The following IFFO2 variants were observed in gnomAD, a reference collection of about 807,000 sequenced individuals.
IFFO2 encodes intermediate filament family orphan 2.
Under a neutral mutation model 53.5 loss-of-function variants are expected in IFFO2, and 19 were observed. That is an observed-to-expected ratio of 0.36 (90% confidence interval 0.25 to 0.52). The LOEUF is 0.52. IFFO2 is among the 20% of genes least tolerant of loss of function. The pLI, the probability that IFFO2 is intolerant of heterozygous loss-of-function variation, is 0.94. For synonymous variants in IFFO2, 303 were observed against 313.6 expected, an observed-to-expected ratio of 0.97 and a Z score of 0.36; for missense variants, 570 against 727.4, an observed-to-expected ratio of 0.78 and a Z score of 2.49.
chr1:18,911,420 T>C lies in IFFO2; in HGVS notation c.1281A>G (p.Arg427=). The C allele has an allele frequency of 6.6e-7, 1 of 1,523,720 alleles. No homozygotes were observed. 94.4% of individuals were successfully genotyped at this position (1,523,720 alleles called of 1,614,324 possible). The change falls in exon 7 of 9, where the codon AGA becomes AGG. Residue 427 remains arginine, a synonymous_variant. Transcript: ENST00000455833. Reference sequence around the variant, plus strand: ...CTATCGTTTCCTGGTACTCCTTGTCTCTCGTCTTGAAGAAGGATTCGGTCT... The same window carrying C: ...CTATCGTTTCCTGGTACTCCTTGTCCCTCGTCTTGAAGAAGGATTCGGTCT... ...IHETESFFKT[R]DKEYQETIGQ...
At chr1:18,933,116 T>C (rs1936399928) in intron 1 of IFFO2, among the ~76,000 whole-genome samples, 1 of 152,222 alleles carries the variant, frequency 6.6e-6, no homozygotes, top group Admixed American at 6.5e-5. Context: ...GAGTATTCTC[T>C]TCCTGCTGAG....
intron 8 of IFFO2, among the ~76,000 whole-genome samples, 172 bp from the exon 9 acceptor site, chr1:18,908,838 C>A (rs1935990037): frequency 6.6e-6 from 1 of 152,152 alleles, no homozygotes; most frequent in South Asian, 2.1e-4. Context: ...CACGAGGTAA[C>A]CCCCTGCACC....
chr1:18,933,714 C>T (rs182202452), intron 1 of IFFO2, among the ~76,000 whole-genome samples: 86 of 152,192 alleles, frequency 5.7e-4, no homozygotes, highest in South Asian at 1.2e-3. Flanking sequence ...GCCAAGATCG[C>T]GCCACTGCAC....
intron 2 of IFFO2, among the ~76,000 whole-genome samples, chr1:18,920,152 G>A (rs1936197485): frequency 6.6e-6 from 1 of 152,146 alleles, no homozygotes; most frequent in Non-Finnish European, 1.5e-5. Context: ...TGAAGAGCGT[G>A]GGTGTGTGTC....
chr1:18,956,543 C>A lies in IFFO2; in HGVS notation c.-211G>T, dbSNP rs1569874844. 6.4e-6 allele frequency: 1 copy of A among 156,916 alleles called. No homozygotes were observed. The highest frequency in any genetic ancestry group is 6.5e-5 in the Admixed American group (1 of 15,464). 9.7% of individuals were successfully genotyped at this position (156,916 alleles called of 1,614,324 possible). A position where few individuals can be genotyped will look rare whatever the true frequency, so the allele number is the denominator to read the frequency against. Reference sequence around the variant, plus strand: ...CGCCGAGGCGAGAGAGGGCACTCGGCCGCTCCTCGGGACGCGGTGGAGGCC... The same window carrying A: ...CGCCGAGGCGAGAGAGGGCACTCGGACGCTCCTCGGGACGCGGTGGAGGCC... On this transcript the variant is annotated 5_prime_UTR_variant, in exon 1 of 9. Transcript: ENST00000455833. This position sits in a 1 kb window ranked among gnomAD's most constrained non-coding sequence, Gnocchi z 6.4.
intron 1 of IFFO2, among the ~76,000 whole-genome samples, chr1:18,934,264 G>T (rs554576942): frequency 2.6e-5 from 4 of 151,674 alleles, no homozygotes; most frequent in South Asian, 2.1e-4. Flanking sequence ...GTAGAGACGG[G>T]GTTTCACCAT....
At chr1:18,937,317 C>G (rs375167373) in intron 1 of IFFO2, among the ~76,000 whole-genome samples, 93 of 152,332 alleles carry the variant, frequency 6.1e-4, no homozygotes, top group African/African-American at 2.2e-3. Context: ...TCCAGCGCAG[C>G]TGAGGCAGGT....
intron 1 of IFFO2, among the ~76,000 whole-genome samples, chr1:18,944,224 G>C (rs752760692): frequency 6.6e-5 from 10 of 152,328 alleles, no homozygotes; most frequent in Admixed American, 1.3e-4. Context: ...AAAGACAGAA[G>C]GCATAGCTAA....
chr1:18,941,629 C>A (rs991844616), intron 1 of IFFO2, among the ~76,000 whole-genome samples: 1 of 152,198 alleles, frequency 6.6e-6, no homozygotes, highest in African/African-American at 2.4e-5. Context: ...GGCTTGAACC[C>A]CTGTCTTCCA....
chr1:18,952,099 T>A (rs1557651652), intron 1 of IFFO2, among the ~76,000 whole-genome samples: 1 of 152,200 alleles, frequency 6.6e-6, no homozygotes, highest in Non-Finnish European at 1.5e-5. Flanking sequence ...AACTCTCCAC[T>A]GTTGAGTTCA....
chr1:18,922,459 G>A (rs900561699), intron 1 of IFFO2, among the ~76,000 whole-genome samples: 22 of 152,142 alleles, frequency 1.4e-4, no homozygotes, highest in African/African-American at 4.1e-4. Flanking sequence ...AGCCGGTTAC[G>A]TCACCGGCTT....
At position 18,919,280 on chromosome 1, in the gene IFFO2, C is replaced by T. The variant is rs923947026; in HGVS notation, c.822+398G>A. 6.6e-6 allele frequency among the ~76,000 whole-genome samples: 1 copy of T among 152,166 alleles called. No individual in the cohort carries two copies. The highest frequency in any genetic ancestry group is 1.9e-4 in the East Asian group (1 of 5,188). On this transcript the variant is annotated intron_variant, in intron 3 of 8. Coordinates refer to ENST00000455833, the MANE Select transcript of IFFO2 (RefSeq NM_001136265.2). The surrounding 1 kb of genome is among the most constrained non-coding windows in gnomAD (Gnocchi z 4.9). Reference sequence around the variant, plus strand: ...ACCCTGCCAAAGGCCGCTGGGCCTGCGAGTCTCTCAGGCCCGCACAGACCA... The same window carrying T: ...ACCCTGCCAAAGGCCGCTGGGCCTGTGAGTCTCTCAGGCCCGCACAGACCA...
rs1262975105 is a variant in IFFO2, at chr1:18,916,895, A to T, written c.1103+8T>A. 6.4e-7 allele frequency: 1 copy of T among 1,551,686 alleles called. No homozygotes were observed. ...AACGGAGAGTGTGCGGGCCACGGGG[A>T]TACTCACAGCTGGTTAAACATGCGC... On this transcript the variant is annotated splice_region_variant and intron_variant, in intron 5 of 8. Transcript: ENST00000455833. This position sits in a 1 kb window ranked among gnomAD's most constrained non-coding sequence, Gnocchi z 4.3.
At chr1:18,955,461 GGCCCCCACGGTAGCCAGCGCCC>G (rs1287109667) in intron 1 of IFFO2, among the ~76,000 whole-genome samples, 185 bp downstream of exon 1, 1 of 152,186 alleles carries the variant, frequency 6.6e-6, no homozygotes, top group African/African-American at 2.4e-5. Flanking sequence ...GCATCGAGGT[GGCCCCCACGGTAGCCAGCGCCC>G]GCCCCCATCC....
At chr1:18,952,703 A>C (rs1936673359) in intron 1 of IFFO2, among the ~76,000 whole-genome samples, 1 of 152,260 alleles carries the variant, frequency 6.6e-6, no homozygotes, top group Admixed American at 6.5e-5. Flanking sequence ...CTGGGCTTGG[A>C]ATTGGAATTT....
rs1003744463 is a variant in IFFO2 at position 18,951,256 on chromosome 1, C to T, written c.665+4412G>A. On this transcript the variant is annotated intron_variant, in intron 1 of 8. Coordinates refer to ENST00000455833, the MANE Select transcript of IFFO2 (RefSeq NM_001136265.2). The stretch of plus-strand genomic sequence containing the variant: ...AGGTACTCAGCCTCCCACTGTCCCC[C>T]GAGTCTCCCAAGGCGCCCTGCTATG... Among the ~76,000 whole-genome samples, 6 of 152,138 alleles carry T rather than the reference C, an allele frequency of 3.9e-5. 1 individual carries two copies. Among genetic ancestry groups the T allele is most frequent in the African/African-American group, 1.4e-4 (6 of 41,406 alleles).
At chr1:18,915,349 G>A (rs972077860) in intron 5 of IFFO2, among the ~76,000 whole-genome samples, 5 of 145,624 alleles carry the variant, frequency 3.4e-5, no homozygotes, top group Non-Finnish European at 7.5e-5. Flanking sequence ...GGGGGCTTCC[G>A]GGAGGTGGCA....
rs1373637553 is a variant in IFFO2 at position 18,908,246 on chromosome 1, A to T, written c.*315T>A. On this transcript the variant is annotated 3_prime_UTR_variant, in exon 9 of 9. Transcript: ENST00000455833. ...TGCTAGGAATAATTCTTTGGAGCTC[A>T]AAGTGGCTCAGCTTAAGGGAGAAGG... The T allele has an allele frequency of 3.6e-5, 12 of 332,474 alleles. No homozygotes were observed. Among genetic ancestry groups the T allele is most frequent in the Non-Finnish European group, 2.9e-5 (5 of 170,920 alleles). The allele number at this position is 332,474 out of a possible 1,614,324, so 20.6% of individuals were successfully genotyped here.
chr1:18,938,401 T>C lies in IFFO2; in HGVS notation c.665+17267A>G, dbSNP rs368330112. ...CAGCGTCCAGGGCCCCGGGCTTGGC[T>C]GAGCTGCACCATGCTTCCCCTTAGA... On this transcript the variant is annotated intron_variant, in intron 1 of 8. Transcript: ENST00000455833. 1.5e-4 allele frequency among the ~76,000 whole-genome samples: 23 copies of C among 152,348 alleles called. No homozygotes were observed. The East Asian group carries it at 2.3e-3, about 15-fold the overall frequency.
Sources: gnomAD v4.1 joint callset for allele counts (sites outside exome capture counted in the v4.1 genomes callset) on GRCh38, gnomAD v4.1.1 for gene constraint, Gnocchi (gnomAD v3.1) non-coding constraint, MANE v1.5 for transcripts, NCBI Gene and HGNC (gene_info 2026-07-23, HGNC 2026-07-21) for gene names.